The following SYNE1 variants were observed in gnomAD, a reference collection of about 807,000 sequenced individuals.
The protein encoded by SYNE1 is spectrin repeat containing nuclear envelope protein 1.
A neutral mutation model predicts 1,111.0 loss-of-function variants in SYNE1; 616 were observed. The observed-to-expected ratio is 0.55, with a 90% CI of 0.52 to 0.59. SYNE1 has a LOEUF of 0.59. SYNE1 is among the 20% of genes least tolerant of loss of function. SYNE1 has a pLI of 0.00. For synonymous variants in SYNE1, 3,855 were observed against 3,825.8 expected, an observed-to-expected ratio of 1.01 and a Z score of -0.28; for missense variants, 10,006 against 10,417.0, an observed-to-expected ratio of 0.96 and a Z score of 1.72.
chr6:152,384,868 A>G (rs965561984), intron 55 of SYNE1, among the ~76,000 whole-genome samples: 3 of 146,824 alleles, frequency 2.0e-5, no homozygotes, highest in African/African-American at 8.1e-5. Flanking sequence ...TGACAGAGCA[A>G]GACTCCATTT....
Position 152,381,154 on chromosome 6 carries a change from G to A in SYNE1, c.8861C>T (p.Ser2954Leu), listed in dbSNP as rs145819043. The A allele has an allele frequency of 3.2e-5, 51 of 1,614,150 alleles. No homozygotes were observed. Among genetic ancestry groups the A allele is most frequent in the Middle Eastern group, 1.6e-4 (1 of 6,062 alleles). Residue 2954 changes from serine (S) to leucine (L), a missense_variant, in exon 56 of 146, where the codon TCG (serine) becomes TTG (leucine). Coordinates refer to ENST00000367255, the MANE Select transcript of SYNE1 (RefSeq NM_182961.4). ...CACTTGGCCTGAGAATTCCTGCTCC[G>A]AAAGGGCCATCTGGCTGACCAGGTT... is the stretch of plus-strand genomic sequence containing the variant. ...LENLVSQMAL[S>L]EQEFSGQVAQ...
Position 152,401,284 on chromosome 6 carries a change from C to T in SYNE1, c.6883G>A (p.Ala2295Thr), listed in dbSNP as rs758161551. 1.9e-6 allele frequency: 3 copies of T among 1,614,060 alleles called. No individual in the cohort carries two copies. Among genetic ancestry groups the T allele is most frequent in the Admixed American group, 3.3e-5 (2 of 59,972 alleles). ...LEHAKEITEV[A>T]KGTLKDFTAQ... ...GTGAAATCCTTCAGGGTTCCTTTTG[C>T]TACTTCAGTTATTTCTTTGGCATGC... is the stretch of plus-strand genomic sequence containing the variant. The change falls in exon 47 of 146, where the codon GCA becomes ACA. Residue 2295 changes from alanine to threonine, a missense_variant. Ala to Thr is a moderately conservative substitution (Grantham distance 58). Transcript: ENST00000367255.
intron 138 of SYNE1, 58 bp from the exon 139 acceptor site, chr6:152,141,387 T>C: frequency 6.2e-7 from 1 of 1,607,978 alleles, no homozygotes; most frequent in Non-Finnish European, 8.5e-7. Flanking sequence ...TGCAAAAGCT[T>C]CCGGGGAAAA....
chr6:152,222,105 GA>G (rs1193704264), intron 117 of SYNE1, among the ~76,000 whole-genome samples: 1 of 152,176 alleles, frequency 6.6e-6, no homozygotes, highest in Non-Finnish European at 1.5e-5. Context: ...TTAGCCAACT[GA>G]GGTCAGTTTA....
At chr6:152,138,367 C>T (rs978578403) in intron 140 of SYNE1, among the ~76,000 whole-genome samples, 2 of 151,852 alleles carry the variant, frequency 1.3e-5, no homozygotes, top group Non-Finnish European at 1.5e-5. Context: ...AATAAATAGC[C>T]GGGCATGGTG....
chr6:152,629,495 C>CGT (rs751591700), intron 2 of SYNE1, among the ~76,000 whole-genome samples: 1 of 105,976 alleles, frequency 9.4e-6, no homozygotes, highest in South Asian at 3.4e-4. Context: ...TGTGAGCCAC[C>CGT]GTGCCTGGCT....
At position 152,580,725 on chromosome 6, in the gene SYNE1, A is replaced by G. The variant is rs150776407; in HGVS notation, c.68-40704T>C. 5.6e-3 allele frequency among the ~76,000 whole-genome samples: 850 copies of G among 152,290 alleles called. 5 individuals carry two copies. Among genetic ancestry groups the G allele is most frequent in the East Asian group, 0.024 (123 of 5,168 alleles). Reference sequence around the variant, plus strand: ...AAGGGGTCTAGTGTCACTCTTCTGCATATTAGCCATCAGTATTTAAGTCTT... The same window carrying G: ...AAGGGGTCTAGTGTCACTCTTCTGCGTATTAGCCATCAGTATTTAAGTCTT... On this transcript the variant is annotated intron_variant, in intron 3 of 145. Transcript: ENST00000367255.
At chr6:152,389,264 G>T (rs944392651) in intron 53 of SYNE1, among the ~76,000 whole-genome samples, 1 of 152,130 alleles carries the variant, frequency 6.6e-6, no homozygotes, top group African/African-American at 2.4e-5. Context: ...GTAAACTCGT[G>T]TCATGGGGGT....
intron 137 of SYNE1, chr6:152,144,609 T>C (rs1377767471): frequency 2.0e-5 from 3 of 152,180 alleles, no homozygotes; most frequent in Non-Finnish European, 4.4e-5. Flanking sequence ...TTTTTATTTG[T>C]TTCTAAAAAA....
chr6:152,159,310 T>C (rs1321991605), intron 131 of SYNE1, among the ~76,000 whole-genome samples: 1 of 152,214 alleles, frequency 6.6e-6, no homozygotes, highest in Non-Finnish European at 1.5e-5. Flanking sequence ...ATTGGCGTTC[T>C]ATAAATCAGG....
intron 100 of SYNE1, among the ~76,000 whole-genome samples, chr6:152,265,877 C>T (rs2092654499): frequency 6.6e-6 from 1 of 152,144 alleles, no homozygotes; most frequent in African/African-American, 2.4e-5. Context: ...TTTCCTCACA[C>T]AAACCAAGTC....
chr6:152,341,736 T>G (rs1364206466), intron 74 of SYNE1, among the ~76,000 whole-genome samples: 1 of 152,226 alleles, frequency 6.6e-6, no homozygotes. Context: ...TAAGTCCTCA[T>G]TTAATGTCGT....
rs773039147 is a variant in SYNE1, at chr6:152,396,978, G to A, written c.7353C>T (p.Asn2451=). ...GCCCATCACTGACTGAGTCCAAAAT[G>A]TTCTGTTTCAGGAAATAAAGGTAAT... ...VLEAKLHDLQ[N]ILDSVSDGQS... The change falls in exon 50 of 146, where the codon AAC becomes AAT. Residue 2451 remains asparagine, a splice_region_variant and synonymous_variant. Transcript: ENST00000367255. The A allele has an allele frequency of 1.2e-6, 2 of 1,613,986 alleles. No individual in the cohort carries two copies. Among genetic ancestry groups the A allele is most frequent in the East Asian group, 4.5e-5 (2 of 44,888 alleles).
intron 65 of SYNE1, among the ~76,000 whole-genome samples, chr6:152,358,868 G>A (rs1312855277): frequency 6.6e-6 from 1 of 152,134 alleles, no homozygotes; most frequent in Non-Finnish European, 1.5e-5. Context: ...CTTATATTGT[G>A]CCTTAAATGA....
At chr6:152,354,003 G>A (rs959426955) in intron 67 of SYNE1, among the ~76,000 whole-genome samples, 4 of 152,116 alleles carry the variant, frequency 2.6e-5, no homozygotes, top group South Asian at 2.1e-4. Flanking sequence ...GGCCAGGTGC[G>A]GTGGCTCACG....
At chr6:152,433,261 G>T (rs976734745) in intron 34 of SYNE1, among the ~76,000 whole-genome samples, 1 of 152,148 alleles carries the variant, frequency 6.6e-6, no homozygotes, top group Non-Finnish European at 1.5e-5. Flanking sequence ...TCATTTTAGA[G>T]CTGGGAGAGG....
intron 3 of SYNE1, among the ~76,000 whole-genome samples, chr6:152,541,842 G>A (rs965609706): frequency 2.6e-5 from 4 of 151,210 alleles, no homozygotes. Context: ...CTACCTATTG[G>A]GTAATATGCT....
chr6:152,388,206 A>G (rs535015901), intron 53 of SYNE1, among the ~76,000 whole-genome samples: 17 of 151,784 alleles, frequency 1.1e-4, no homozygotes, highest in Non-Finnish European at 1.8e-4. Flanking sequence ...TGCAGGCTTT[A>G]CAGTCCTACC....
Position 152,281,944 on chromosome 6 carries a change from C to G in SYNE1, c.18244G>C (p.Glu6082Gln), listed in dbSNP as rs1167575373. The change falls in exon 97 of 146, where the codon GAA becomes CAA. Residue 6082 changes from glutamate (E) to glutamine (Q), a missense_variant. By Grantham distance (29) the Glu-to-Gln change is conservative. Coordinates refer to ENST00000367255, the MANE Select transcript of SYNE1 (RefSeq NM_182961.4). ...CAGCGATACCTCTGCAGGGCCTGTT[C>G]CTGCCTTTGTTCCTCCAGCTGATCA... is the stretch of plus-strand genomic sequence containing the variant. ...LNDQLEEQRQ[E>Q]QALQRYRCEA... 1 of 1,614,010 alleles carries G rather than the reference C, an allele frequency of 6.2e-7. No individual in the cohort carries two copies. The highest frequency in any genetic ancestry group is 2.2e-5 in the East Asian group (1 of 44,888).
Sources: allele counts gnomAD v4.1 joint callset (sites outside exome capture counted in the v4.1 genomes callset), GRCh38; gene constraint gnomAD v4.1.1; transcripts MANE v1.5; gene names NCBI Gene and HGNC (gene_info 2026-07-23, HGNC 2026-07-21).